Variants in ARK2C observed in about 807,000 individuals in gnomAD.
ARK2C encodes the protein E3 ubiquitin-protein ligase ARK2C.
At chr18:46,444,699 C>T in the ARK2C span, among the ~76,000 whole-genome samples, 4 of 150,398 alleles carry the variant, frequency 2.7e-5, no homozygotes, top group Admixed American at 2.6e-4. Flanking sequence ...CCTCAAACTT[C>T]TGGACTAAAA....
At chr18:46,341,045 C>T in the ARK2C span, among the ~76,000 whole-genome samples, 6 of 151,922 alleles carry the variant, frequency 3.9e-5, no homozygotes, top group South Asian at 6.2e-4. Context: ...GATGGCGGGG[C>T]GGAGGCACAT....
chr18:46,388,611 C>T, the ARK2C span, among the ~76,000 whole-genome samples: 2 of 152,084 alleles, frequency 1.3e-5, no homozygotes, highest in South Asian at 4.1e-4. Flanking sequence ...ATCTGGGGAG[C>T]GATGGACCTC....
the ARK2C span, among the ~76,000 whole-genome samples, chr18:46,377,189 T>C: frequency 3.3e-5 from 5 of 152,356 alleles, no homozygotes; most frequent in South Asian, 6.2e-4. Flanking sequence ...GAAAAAGGTA[T>C]ATAATGTACC....
chr18:46,344,050 CT>C, the ARK2C span, among the ~76,000 whole-genome samples: 1 of 152,198 alleles, frequency 6.6e-6, no homozygotes, highest in East Asian at 1.9e-4. Context: ...CAGCTGAGCC[CT>C]CCAGGAAGTC....
chr18:46,447,053 T>C, the ARK2C span, among the ~76,000 whole-genome samples: 5 of 152,220 alleles, frequency 3.3e-5, no homozygotes, highest in Admixed American at 3.3e-4. Context: ...AATTAATTAG[T>C]TTTTAAGCAA....
At chr18:46,379,227 C>A in the ARK2C span, among the ~76,000 whole-genome samples, 1 of 152,228 alleles carries the variant, frequency 6.6e-6, no homozygotes. Context: ...AGGAAAACCT[C>A]TTTAATCTCT....
the ARK2C span, among the ~76,000 whole-genome samples, chr18:46,405,658 G>A: frequency 2.0e-5 from 3 of 152,194 alleles, no homozygotes; most frequent in Non-Finnish European, 4.4e-5. Context: ...TTGAGGGGTA[G>A]GGTTGGGGAG....
At chr18:46,334,484 G>T in the ARK2C span, 2 of 614,920 alleles carry the variant, frequency 3.3e-6, no homozygotes, top group East Asian at 3.5e-5. The surrounding 1 kb of genome is among the most constrained non-coding windows in gnomAD (Gnocchi z 4.4). Context: ...CATTTTAGGG[G>T]GACCCCCGAG....
the ARK2C span, among the ~76,000 whole-genome samples, chr18:46,368,745 C>T: frequency 2.6e-5 from 4 of 152,250 alleles, no homozygotes; most frequent in South Asian, 6.2e-4. Context: ...GCAAGAATGC[C>T]TGGGTTCAAA....
chr18:46,335,881 T>C, the ARK2C span: 1 of 985,038 alleles, frequency 1.0e-6, no homozygotes, highest in Non-Finnish European at 1.2e-6. Context: ...TTTTCTTCAT[T>C]GTGTAGCTCA....
At chr18:46,400,900 C>A in the ARK2C span, among the ~76,000 whole-genome samples, 3 of 152,160 alleles carry the variant, frequency 2.0e-5, no homozygotes, top group East Asian at 5.8e-4. Context: ...CCACTTACCC[C>A]CTTCAGGTGT....
chr18:46,377,694 G>C, the ARK2C span, among the ~76,000 whole-genome samples: 1 of 152,166 alleles, frequency 6.6e-6, no homozygotes, highest in South Asian at 2.1e-4. Context: ...TTTCGCATGA[G>C]GGCAAAGGCA....
chr18:46,430,627 C>G, the ARK2C span, among the ~76,000 whole-genome samples: 1 of 152,126 alleles, frequency 6.6e-6, no homozygotes, highest in Non-Finnish European at 1.5e-5. Context: ...ACGTTTGCAT[C>G]TTTTTTCCTC....
At chr18:46,410,385 C>T in the ARK2C span, among the ~76,000 whole-genome samples, 2 of 152,198 alleles carry the variant, frequency 1.3e-5, no homozygotes, top group Non-Finnish European at 2.9e-5. Flanking sequence ...TCTGTGTACA[C>T]ACACCTGGCT....
chr18:46,357,262 C>G, the ARK2C span, among the ~76,000 whole-genome samples: 6 of 152,328 alleles, frequency 3.9e-5, no homozygotes, highest in South Asian at 1.2e-3. Flanking sequence ...TAACAGTGGT[C>G]AGTACCCAGC....
the ARK2C span, among the ~76,000 whole-genome samples, chr18:46,374,975 C>T: frequency 5.1e-4 from 78 of 152,288 alleles, no homozygotes; most frequent in South Asian, 4.1e-3. Flanking sequence ...CCTAAATGTC[C>T]TCTTCAGGTC....
chr18:46,450,498 G>A, the ARK2C span: 1 of 965,532 alleles, frequency 1.0e-6, no homozygotes, highest in Non-Finnish European at 1.7e-6. Flanking sequence ...TAGGGTATGG[G>A]TGTCAGGAAG....
the ARK2C span, among the ~76,000 whole-genome samples, chr18:46,355,722 G>A: frequency 1.5e-5 from 2 of 133,194 alleles, no homozygotes; most frequent in African/African-American, 5.2e-5. Context: ...TCCTGGCAGA[G>A]CTGTGGCTCC....
chr18:46,425,069 C>G, the ARK2C span, among the ~76,000 whole-genome samples: 1 of 152,234 alleles, frequency 6.6e-6, no homozygotes, highest in Admixed American at 6.5e-5. Context: ...GCCTTCCCCT[C>G]CTTTCTGACC....
Sources: allele counts gnomAD v4.1 joint callset (sites outside exome capture counted in the v4.1 genomes callset), GRCh38; gene constraint gnomAD v4.1.1; non-coding constraint Gnocchi (gnomAD v3.1); transcripts MANE v1.5; gene names NCBI Gene and HGNC (gene_info 2026-07-23, HGNC 2026-07-21).